Variants in GRIK5 observed in about 807,000 individuals in gnomAD.
GRIK5 encodes the protein glutamate receptor ionotropic, kainate 5.
Under a neutral mutation model 97.4 loss-of-function variants are expected in GRIK5, and 43 were observed. The observed-to-expected ratio is 0.44, with a 90% CI of 0.35 to 0.57. The LOEUF is 0.57. Among genes scored for constraint, GRIK5 ranks in the 20% least tolerant of loss-of-function variants. The probability of loss-of-function intolerance (pLI) is 0.01; values close to 1 mark genes in which losing one functional copy is unlikely to be tolerated. For synonymous variants in GRIK5, 580 were observed against 583.5 expected (o/e 0.99, Z 0.09); for missense variants, 1,015 against 1,382.0 (o/e 0.73, Z 4.21).
At chr19:42,040,334 GA>G (rs1176466565) in intron 12 of GRIK5, among the ~76,000 whole-genome samples, 3 of 152,142 alleles carry the variant, frequency 2.0e-5, no homozygotes, top group African/African-American at 7.2e-5. Flanking sequence ...CTCTGTTGGT[GA>G]AAAAAGGGCA....
At chr19:42,008,158 C>T (rs2075516410) in intron 15 of GRIK5, among the ~76,000 whole-genome samples, 2 of 152,044 alleles carry the variant, frequency 1.3e-5, no homozygotes. Context: ...GTTGGGATTA[C>T]AGGCACCTGC....
intron 11 of GRIK5, among the ~76,000 whole-genome samples, chr19:42,045,741 C>T (rs548996323): frequency 2.6e-5 from 4 of 152,328 alleles, no homozygotes; most frequent in African/African-American, 9.6e-5. Context: ...ATAGCGGCAG[C>T]AGCCAGCATT....
intron 15 of GRIK5, among the ~76,000 whole-genome samples, chr19:42,020,627 T>C (rs1339643410): frequency 2.0e-5 from 3 of 152,016 alleles, no homozygotes; most frequent in South Asian, 2.1e-4. Context: ...ATAAAAGGGG[T>C]TGCAGTAAAG....
chr19:42,011,514 C>A (rs1260086296), intron 15 of GRIK5, among the ~76,000 whole-genome samples: 2 of 149,410 alleles, frequency 1.3e-5, no homozygotes, highest in Non-Finnish European at 3.0e-5. Flanking sequence ...GATCGCGCCA[C>A]TGCACTCCAG....
intron 12 of GRIK5, among the ~76,000 whole-genome samples, chr19:42,040,548 T>C (rs931112267): frequency 1.3e-5 from 2 of 152,188 alleles, no homozygotes; most frequent in Admixed American, 1.3e-4. Context: ...GGGGCCTCTT[T>C]GGGCTTCAGG....
intron 12 of GRIK5, among the ~76,000 whole-genome samples, chr19:42,037,477 A>C (rs934932493): frequency 5.3e-5 from 8 of 152,152 alleles, no homozygotes; most frequent in Non-Finnish European, 1.0e-4. Context: ...AAACAAAAAC[A>C]AACAAACAAA....
intron 6 of GRIK5, among the ~76,000 whole-genome samples, chr19:42,058,751 A>G (rs1441924566): frequency 6.7e-6 from 1 of 149,776 alleles, no homozygotes; most frequent in African/African-American, 2.4e-5. Context: ...ACTTGAACCT[A>G]GGAGACTGAG....
intron 12 of GRIK5, among the ~76,000 whole-genome samples, chr19:42,029,652 A>G (rs2075817496): frequency 6.6e-6 from 1 of 152,154 alleles, no homozygotes; most frequent in South Asian, 2.1e-4. Context: ...TCCATACAGC[A>G]TTCCTATTTG....
In GRIK5 at chr19:42,062,564, G is replaced by T. The variant is rs150138839; in HGVS notation, c.432C>A (p.Asp144Glu). 2 of 1,614,180 alleles carry T rather than the reference G, an allele frequency of 1.2e-6. No homozygotes were observed. Among genetic ancestry groups the T allele is most frequent in the Non-Finnish European group, 1.7e-6 (2 of 1,180,026 alleles). ...ASVSLYPSNEDVSLAVSRILK... is the reference protein window; with the variant it reads ...ASVSLYPSNEEVSLAVSRILK... ...GGATTCGGGAGACCGCCAAGCTGAC[G>T]TCCTCGTTACTGGGGTACAGGCTGA... Residue 144 changes from aspartate to glutamate, a missense_variant, in exon 5 of 20, where the codon GAC becomes GAA. Around this residue, in one of 5 missense-constraint regions of GRIK5, gnomAD observed 198 missense variants for 218.2 expected, o/e 0.91. Transcript: ENST00000593562. This position sits in a 1 kb window ranked among gnomAD's most constrained non-coding sequence, Gnocchi z 5.3.
intron 12 of GRIK5, among the ~76,000 whole-genome samples, chr19:42,031,723 T>C (rs1384082551): frequency 6.6e-6 from 1 of 152,192 alleles, no homozygotes; most frequent in African/African-American, 2.4e-5. Context: ...TGGAAAATAA[T>C]TCAACAAAAT....
rs548151758 is a variant in GRIK5 at position 42,070,016 on chromosome 19, G to T, written c.-826C>A. ...AGGGTGGGGTGTCCCAGGGGCTCCCGGTGCTGGGCCTCAGTGGGAGGGCCT... is the reference window on the plus strand; with the variant it reads ...AGGGTGGGGTGTCCCAGGGGCTCCCTGTGCTGGGCCTCAGTGGGAGGGCCT... On this transcript the variant is annotated 5_prime_UTR_variant, in exon 1 of 20. Transcript: ENST00000593562. Among the ~76,000 whole-genome samples the T allele has an allele frequency of 6.6e-6, 1 of 151,956 alleles. No individual in the cohort carries two copies. The highest frequency in any genetic ancestry group is 1.5e-5 in the Non-Finnish European group (1 of 67,942).
chr19:42,052,699 T>C (rs2076132580), intron 11 of GRIK5, among the ~76,000 whole-genome samples: 1 of 152,092 alleles, frequency 6.6e-6, no homozygotes, highest in East Asian at 1.9e-4. Flanking sequence ...GTGAAGAGCA[T>C]GGCTGCCTGG....
At chr19:42,005,285 A>G (rs1050630310) in intron 17 of GRIK5, among the ~76,000 whole-genome samples, 3 of 151,548 alleles carry the variant, frequency 2.0e-5, no homozygotes, top group African/African-American at 7.3e-5. Context: ...CCTGAAATAT[A>G]AATAGGCACA....
At chr19:42,029,897 C>G (rs984574231) in intron 12 of GRIK5, among the ~76,000 whole-genome samples, 1 of 152,150 alleles carries the variant, frequency 6.6e-6, no homozygotes, top group Admixed American at 6.5e-5. Context: ...ACATCATCAA[C>G]CAAACAGCAC....
rs377584979 is a variant in GRIK5, at chr19:42,019,979, T to C, written c.1871+1322A>G. 2.5e-3 allele frequency among the ~76,000 whole-genome samples: 386 copies of C among 152,076 alleles called. 1 individual carries two copies. Among genetic ancestry groups the C allele is most frequent in the African/African-American group, 9.0e-3 (372 of 41,478 alleles). ...AACAAACAGAGCTTTCATTGGGTTT[T>C]TTTGGGGGTTTTTTTTTTTTTTTTC... On this transcript the variant is annotated intron_variant, in intron 15 of 19. Transcript: ENST00000593562.
At chr19:42,034,531 C>G (rs905723033) in intron 12 of GRIK5, among the ~76,000 whole-genome samples, 1 of 152,106 alleles carries the variant, frequency 6.6e-6, no homozygotes, top group Non-Finnish European at 1.5e-5. Flanking sequence ...GGGCTCTCTA[C>G]TTGGAAAACA....
intron 12 of GRIK5, among the ~76,000 whole-genome samples, chr19:42,036,525 T>C (rs1048510796): frequency 6.6e-6 from 1 of 152,012 alleles, no homozygotes; most frequent in African/African-American, 2.4e-5. Context: ...TGGCTAAATT[T>C]TTTCAATTTT....
chr19:42,021,314 C>CA lies in GRIK5; in HGVS notation c.1857dup (p.Val620CysfsTer38). ...AAAGCTTCTCACCAGACTCCGCTGA[C>CA]ACAGCGCGTGGACAGCGCCCGGGGC... On this transcript the variant is annotated frameshift_variant, in exon 15 of 20. Coordinates refer to ENST00000593562, the MANE Select transcript of GRIK5 (RefSeq NM_002088.5). LOFTEE classifies it high-confidence loss of function. This position sits in a 1 kb window ranked among gnomAD's most constrained non-coding sequence, Gnocchi z 4.2. 1 of 1,612,582 alleles carries CA rather than the reference C, an allele frequency of 6.2e-7. No homozygotes were observed. The highest frequency in any genetic ancestry group is 2.2e-5 in the East Asian group (1 of 44,856).
chr19:42,004,090 C>T (rs1221363949), intron 17 of GRIK5, among the ~76,000 whole-genome samples: 1 of 152,198 alleles, frequency 6.6e-6, no homozygotes, highest in African/African-American at 2.4e-5. Flanking sequence ...CAGGTCTCTG[C>T]CCACATGCTG....
Sources: allele counts gnomAD v4.1 joint callset (sites outside exome capture counted in the v4.1 genomes callset), GRCh38; gene constraint gnomAD v4.1.1; regional missense constraint gnomAD v4.1.1; non-coding constraint Gnocchi (gnomAD v3.1); transcripts MANE v1.5; gene names NCBI Gene and HGNC (gene_info 2026-07-23, HGNC 2026-07-21).